The following LAMA1 variants were observed in gnomAD, a reference collection of about 807,000 sequenced individuals.
LAMA1 encodes the protein laminin subunit alpha 1, also known as laminin subunit alpha-1.
Under a neutral mutation model 348.7 loss-of-function variants are expected in LAMA1, and 219 were observed. That is an observed-to-expected ratio of 0.63 (90% CI 0.56 to 0.70). The LOEUF is 0.70. LAMA1 is among the 30% of genes least tolerant of loss of function. The pLI, the probability that LAMA1 is intolerant of heterozygous loss-of-function variation, is 0.00. For synonymous variants in LAMA1, 1,487 were observed against 1,491.0 expected (o/e 1.00, Z 0.06); for missense variants, 3,744 against 3,888.0 (o/e 0.96, Z 0.99).
In LAMA1 at chr18:7,023,386, G is replaced by A. The variant is rs148128006; in HGVS notation, c.2490-11C>T. On this transcript the variant is annotated splice_polypyrimidine_tract_variant and intron_variant, in intron 18 of 62. Transcript: ENST00000389658. Reference sequence around the variant, plus strand: ...TAACCATCTGCACATCTGTATCAAAGATTGAAAGTGGGATCAGACAAATGC... The same window carrying A: ...TAACCATCTGCACATCTGTATCAAAAATTGAAAGTGGGATCAGACAAATGC... The A allele has an allele frequency of 7.8e-5, 125 of 1,611,340 alleles. No homozygotes were observed. Among genetic ancestry groups the A allele is most frequent in the Non-Finnish European group, 9.8e-5 (115 of 1,177,510 alleles).
intron 45 of LAMA1, 61 bp from the exon 46 acceptor site, chr18:6,975,097 A>G (rs190232512): frequency 6.9e-5 from 108 of 1,572,690 alleles, no homozygotes; most frequent in Admixed American, 3.0e-4. Flanking sequence ...TGACCACCAC[A>G]ACACTTTACA....
intron 56 of LAMA1, chr18:6,956,190 G>A (rs117436560): frequency 4.3e-4 from 148 of 345,758 alleles, no homozygotes; most frequent in Admixed American, 1.5e-3. Flanking sequence ...AGCAAAAGGG[G>A]AGAACATGAA....
chr18:7,092,865 C>A (rs1045973871), intron 1 of LAMA1, among the ~76,000 whole-genome samples: 14 of 152,148 alleles, frequency 9.2e-5, no homozygotes, highest in African/African-American at 3.4e-4. Context: ...ACTTCTCAGT[C>A]TCTTCTGCTG....
intron 16 of LAMA1, among the ~76,000 whole-genome samples, chr18:7,026,719 C>A (rs2057945126): frequency 6.6e-6 from 1 of 152,144 alleles, no homozygotes; most frequent in Admixed American, 6.5e-5. Flanking sequence ...CATATTCGGC[C>A]AGGTGCGGTG....
In LAMA1 at chr18:6,982,603, A is replaced by G. The variant is rs372133953; in HGVS notation, c.5797-13T>C. On this transcript the variant is annotated splice_polypyrimidine_tract_variant and intron_variant, in intron 40 of 62. Transcript: ENST00000389658. ...GGGATTCTGAGAGCTGGAAAACAGA[A>G]CCACTTAAGCGTGGTGAGAGCAGGG... 1.9e-6 allele frequency: 3 copies of G among 1,612,062 alleles called. No individual in the cohort carries two copies. Among genetic ancestry groups the G allele is most frequent in the African/African-American group, 1.3e-5 (1 of 74,860 alleles).
intron 40 of LAMA1, 58 bp downstream of exon 40, chr18:6,983,041 A>C (rs1047271198): frequency 2.5e-6 from 4 of 1,612,752 alleles, no homozygotes; most frequent in Non-Finnish European, 3.4e-6. Context: ...CTCTGCTCAA[A>C]CCCGGTACAG....
intron 48 of LAMA1, 22 bp downstream of exon 48, chr18:6,971,835 C>T (rs755805105): frequency 6.2e-7 from 1 of 1,613,882 alleles, no homozygotes; most frequent in South Asian, 1.1e-5. Flanking sequence ...ATACTATGTG[C>T]TAAACCGTGA....
rs1403879141 is a variant in LAMA1 at position 7,098,864 on chromosome 18, C to T, written c.62-18407G>A. 2.5e-4 allele frequency among the ~76,000 whole-genome samples: 34 copies of T among 137,336 alleles called. No homozygotes were observed. In the South Asian group the frequency reaches 7.4e-3, roughly 30 times the overall value. 90.1% of individuals were successfully genotyped at this position (137,336 alleles called of 152,430 possible). A position where few individuals can be genotyped will look rare whatever the true frequency, so the allele number is the denominator to read the frequency against. The stretch of plus-strand genomic sequence containing the variant: ...GAGGTGGGGGGGTCAGCCCCCCGCC[C>T]GGCCAGCCGCCCCGTCCGGGAGGTG... On this transcript the variant is annotated intron_variant, in intron 1 of 62. Coordinates refer to ENST00000389658, the MANE Select transcript of LAMA1 (RefSeq NM_005559.4).
At chr18:7,076,338 G>A (rs2058168281) in intron 3 of LAMA1, among the ~76,000 whole-genome samples, 1 of 152,180 alleles carries the variant, frequency 6.6e-6, no homozygotes, top group South Asian at 2.1e-4. Flanking sequence ...CTACTAGTGG[G>A]ACAACCAGCC....
intron 1 of LAMA1, among the ~76,000 whole-genome samples, chr18:7,107,158 A>G (rs1042850757): frequency 1.4e-5 from 2 of 138,002 alleles, no homozygotes; most frequent in African/African-American, 2.8e-5. Flanking sequence ...TCACTCTGTC[A>G]CCCAGGCTGA....
intron 1 of LAMA1, among the ~76,000 whole-genome samples, chr18:7,098,262 G>A (rs1200329856): frequency 1.3e-5 from 2 of 152,124 alleles, no homozygotes; most frequent in Non-Finnish European, 2.9e-5. Context: ...GCCTCTGCCC[G>A]GCTGCCACCC....
In LAMA1 at chr18:6,983,212, C is replaced by G; in HGVS notation, c.5683G>C (p.Val1895Leu). Residue 1895 changes from valine (V) to leucine (L), a missense_variant, in exon 40 of 63, where the codon GTG becomes CTG. Physicochemically the swap from Val to Leu is conservative, Grantham distance 32 (BLOSUM62 1). Coordinates refer to ENST00000389658, the MANE Select transcript of LAMA1 (RefSeq NM_005559.4). ...LYSGLENIRN[V>L]SLNATSAAYV... ...GCTGCACTGGTGGCATTCAGGGACA[C>G]ATTTCTGATGTTTTCAAGGCCACTA... 6.2e-7 allele frequency: 1 copy of G among 1,614,136 alleles called. No individual in the cohort carries two copies. Among genetic ancestry groups the G allele is most frequent in the Non-Finnish European group, 8.5e-7 (1 of 1,180,028 alleles).
intron 22 of LAMA1, among the ~76,000 whole-genome samples, chr18:7,015,006 C>T (rs926774429): frequency 4.0e-5 from 6 of 151,696 alleles, no homozygotes; most frequent in African/African-American, 1.2e-4. Context: ...ATCACCACGC[C>T]CAGCTAATTT....
At chr18:6,945,898 G>A (rs567201669) in intron 61 of LAMA1, among the ~76,000 whole-genome samples, 80 of 152,148 alleles carry the variant, frequency 5.3e-4, no homozygotes, top group African/African-American at 1.9e-3. Context: ...CCCACAGAAA[G>A]GAAAAGGGCC....
chr18:7,035,781 T>C (rs1299535125), intron 13 of LAMA1, among the ~76,000 whole-genome samples: 1 of 151,864 alleles, frequency 6.6e-6, no homozygotes, highest in Non-Finnish European at 1.5e-5. Flanking sequence ...TGGCGGGTGC[T>C]GTCCTGAGGC....
At chr18:7,063,609 T>A (rs11663691) in intron 3 of LAMA1, among the ~76,000 whole-genome samples, 53,108 of 152,052 alleles carry the variant, frequency 0.35, 9,844 homozygotes, top group South Asian at 0.49. Flanking sequence ...AGGTACCCGT[T>A]GATGGATGAA....
intron 3 of LAMA1, 40 bp downstream of exon 3, chr18:7,079,935 C>T (rs566680385): frequency 4.1e-5 from 58 of 1,400,694 alleles, no homozygotes; most frequent in Non-Finnish European, 5.7e-5. Flanking sequence ...CACAGCTCAG[C>T]AGCCTGTAGA....
intron 29 of LAMA1, among the ~76,000 whole-genome samples, chr18:7,003,701 C>G (rs906052594): frequency 1.3e-5 from 2 of 152,198 alleles, no homozygotes; most frequent in Non-Finnish European, 2.9e-5. Context: ...GAATAGGTTT[C>G]CAGGATCAGT....
At chr18:6,998,009 C>A (rs1397716243) in intron 32 of LAMA1, 125 bp from the exon 33 acceptor site, 1 of 821,140 alleles carries the variant, frequency 1.2e-6, no homozygotes, top group Non-Finnish European at 2.1e-6. Context: ...CTCCAAGACC[C>A]CGTGCACCAC....
Sources: gnomAD v4.1 joint callset for allele counts (sites outside exome capture counted in the v4.1 genomes callset) on GRCh38, gnomAD v4.1.1 for gene constraint, MANE v1.5 for transcripts, NCBI Gene and HGNC (gene_info 2026-07-23, HGNC 2026-07-21) for gene names.